The following GRIK3 variants were observed in gnomAD, a reference collection of about 807,000 sequenced individuals.
GRIK3 encodes glutamate receptor ionotropic, kainate 3.
Under a neutral mutation model 102.5 loss-of-function variants are expected in GRIK3, and 29 were observed. That is an observed-to-expected ratio of 0.28 (90% confidence interval 0.21 to 0.39). The LOEUF (loss-of-function observed/expected upper bound fraction) is 0.39. GRIK3 is among the 10% of genes least tolerant of loss of function. GRIK3 has a pLI of 1.00. For missense variants in GRIK3, 908 were observed against 1,252.4 expected, an observed-to-expected ratio of 0.73 and a Z score of 4.15; for synonymous variants, 511 against 504.9, an observed-to-expected ratio of 1.01 and a Z score of -0.16.
chr1:36,933,820 C>A (rs1641623337), intron 1 of GRIK3, among the ~76,000 whole-genome samples: 1 of 152,168 alleles, frequency 6.6e-6, no homozygotes, highest in African/African-American at 2.4e-5. Context: ...CTGGGTAGAC[C>A]AGGTAAGTCC....
At chr1:36,939,583 C>T (rs1331055786) in intron 1 of GRIK3, among the ~76,000 whole-genome samples, 4 of 152,208 alleles carry the variant, frequency 2.6e-5, no homozygotes, top group African/African-American at 9.6e-5. Flanking sequence ...GAAGAAAAAG[C>T]AGAAATGTGT....
At chr1:37,023,701 G>A (rs1470218918) in intron 1 of GRIK3, among the ~76,000 whole-genome samples, 2 of 152,162 alleles carry the variant, frequency 1.3e-5, no homozygotes, top group East Asian at 1.9e-4. Context: ...GGAAGCATGC[G>A]AGACATCAGA....
intron 1 of GRIK3, among the ~76,000 whole-genome samples, chr1:36,896,671 T>G (rs1027067758): frequency 1.3e-5 from 2 of 152,194 alleles, no homozygotes; most frequent in Non-Finnish European, 2.9e-5. Context: ...ATATCAATTC[T>G]CATTTTAAAC....
At chr1:36,847,911 G>A (rs1438595970) in intron 9 of GRIK3, among the ~76,000 whole-genome samples, 3 of 152,220 alleles carry the variant, frequency 2.0e-5, no homozygotes, top group Non-Finnish European at 4.4e-5. Flanking sequence ...TGGGACAGAT[G>A]GAGCTGTGAC....
At chr1:36,962,901 A>C (rs1642030612) in intron 1 of GRIK3, among the ~76,000 whole-genome samples, 1 of 149,262 alleles carries the variant, frequency 6.7e-6, no homozygotes, top group South Asian at 2.1e-4. Flanking sequence ...AAAAAAAAAA[A>C]AGGAGGAAGG....
At chr1:36,952,045 G>A (rs1056288213) in intron 1 of GRIK3, among the ~76,000 whole-genome samples, 1 of 151,916 alleles carries the variant, frequency 6.6e-6, no homozygotes, top group Admixed American at 6.6e-5. Context: ...GGGCCTGCCC[G>A]GCTTTGCAGA....
At chr1:36,904,366 A>G (rs1641263280) in intron 1 of GRIK3, among the ~76,000 whole-genome samples, 1 of 152,196 alleles carries the variant, frequency 6.6e-6, no homozygotes. Context: ...TCATGGGTAA[A>G]TTTAATTTCC....
intron 1 of GRIK3, among the ~76,000 whole-genome samples, chr1:37,015,551 G>A (rs1642644849): frequency 1.3e-5 from 2 of 152,172 alleles, no homozygotes; most frequent in South Asian, 4.1e-4. Context: ...TCTCCCTTCT[G>A]CAGCCACCTC....
chr1:36,823,126 GA>G (rs1355354949), intron 11 of GRIK3, among the ~76,000 whole-genome samples: 1 of 152,114 alleles, frequency 6.6e-6, no homozygotes, highest in East Asian at 1.9e-4. Context: ...GAGTGAAGGG[GA>G]GATGGCCGCA....
intron 1 of GRIK3, among the ~76,000 whole-genome samples, chr1:36,959,053 C>T (rs1478779041): frequency 1.6e-5 from 2 of 124,122 alleles, no homozygotes; most frequent in African/African-American, 5.6e-5. Context: ...GTCTGTGTGC[C>T]CTGTGAGCCT....
intron 1 of GRIK3, among the ~76,000 whole-genome samples, chr1:36,930,458 A>G (rs1358557803): frequency 6.6e-6 from 1 of 152,232 alleles, no homozygotes; most frequent in African/African-American, 2.4e-5. Context: ...GAAACCACCC[A>G]GCCCAAACTC....
rs185420596 is a variant in GRIK3, at chr1:37,004,899, C to T, written c.115+29095G>A. On this transcript the variant is annotated intron_variant, in intron 1 of 15. Transcript: ENST00000373091. Reference sequence around the variant, plus strand: ...CAAGAAAAAAGGGACTTGACCAGCCCGGCCCAGCACTGCAGGAAGTCAGCA... The same window carrying T: ...CAAGAAAAAAGGGACTTGACCAGCCTGGCCCAGCACTGCAGGAAGTCAGCA... Among the ~76,000 whole-genome samples, 91 of 152,328 alleles carry T rather than the reference C, an allele frequency of 6.0e-4. 1 individual carries two copies. Among genetic ancestry groups the T allele is most frequent in the Non-Finnish European group, 5.6e-4 (38 of 68,030 alleles).
At chr1:36,988,967 G>C (rs948175007) in intron 1 of GRIK3, among the ~76,000 whole-genome samples, 11 of 152,084 alleles carry the variant, frequency 7.2e-5, no homozygotes, top group Non-Finnish European at 1.6e-4. Context: ...GTGGAGAGGG[G>C]GCGGCGGGGA....
At chr1:36,838,092 T>C (rs1223848426) in intron 10 of GRIK3, among the ~76,000 whole-genome samples, 1 of 152,104 alleles carries the variant, frequency 6.6e-6, no homozygotes, top group African/African-American at 2.4e-5. Flanking sequence ...GAAGGAACAG[T>C]GATGAGAGGG....
chr1:36,818,821 C>T (rs1297345677), intron 12 of GRIK3, among the ~76,000 whole-genome samples: 1 of 152,238 alleles, frequency 6.6e-6, no homozygotes, highest in Admixed American at 6.5e-5. Flanking sequence ...CCTGGAAGCC[C>T]CTTCCCTGCC....
At chr1:37,025,112 A>G (rs1481417586) in intron 1 of GRIK3, among the ~76,000 whole-genome samples, 1 of 152,210 alleles carries the variant, frequency 6.6e-6, no homozygotes, top group African/African-American at 2.4e-5. Flanking sequence ...AGGGAGACAC[A>G]TGTTAGCTTT....
chr1:36,968,237 G>C (rs996352956), intron 1 of GRIK3, among the ~76,000 whole-genome samples: 4 of 148,618 alleles, frequency 2.7e-5, no homozygotes, highest in Non-Finnish European at 5.9e-5. Flanking sequence ...GTGTGTGTGT[G>C]TGTGTGTGTG....
At chr1:36,997,927 C>T (rs1642436921) in intron 1 of GRIK3, among the ~76,000 whole-genome samples, 1 of 152,160 alleles carries the variant, frequency 6.6e-6, no homozygotes. Flanking sequence ...ATTTTCCTGG[C>T]CATCTCTATC....
intron 13 of GRIK3, among the ~76,000 whole-genome samples, chr1:36,812,301 C>T (rs77136127): frequency 0.036 from 5,404 of 152,144 alleles, 150 homozygotes; most frequent in Non-Finnish European, 0.057. Flanking sequence ...CTGGCATTCT[C>T]GGGCTCCCAG....
Sources: gnomAD v4.1 joint callset for allele counts (sites outside exome capture counted in the v4.1 genomes callset) on GRCh38, gnomAD v4.1.1 for gene constraint, MANE v1.5 for transcripts, NCBI Gene and HGNC (gene_info 2026-07-23, HGNC 2026-07-21) for gene names.